The following MBP variants were observed in gnomAD, a reference collection of about 807,000 sequenced individuals.
MBP encodes myelin basic protein, also known as Golli-MBP.
A neutral mutation model predicts 35.8 loss-of-function variants in MBP; 16 were observed. The observed-to-expected ratio is 0.45, with a 90% confidence interval of 0.30 to 0.68. The LOEUF (loss-of-function observed/expected upper bound fraction) is 0.68, where lower values mean the gene tolerates loss of function less well. Ranked by LOEUF, MBP falls within the 30% of genes least tolerant of loss-of-function variation. MBP has a pLI of 0.08. For synonymous variants in MBP, 143 were observed against 159.6 expected (o/e 0.90, Z 0.78); for missense variants, 380 against 404.7 (o/e 0.94, Z 0.52).
At position 77,058,026 on chromosome 18, in the gene MBP, G is replaced by T. The variant is rs1208013790; in HGVS notation, c.139+8272C>A. On this transcript the variant is annotated intron_variant, in intron 3 of 8. Coordinates refer to ENST00000355994, the MANE Select transcript of MBP (RefSeq NM_001025101.2). ...TATTTTTTTTTTTAATAGAGACGGG[G>T]TTTCACCGTGTTAGCCAGGATGGTG... Among the ~76,000 whole-genome samples the T allele has an allele frequency of 1.8e-4, 4 of 22,740 alleles. 2 individuals carry two copies. The highest frequency in any genetic ancestry group is 2.9e-4 in the Non-Finnish European group (4 of 13,750). The allele number at this position is 22,740 out of a possible 152,430, so 14.9% of individuals were successfully genotyped here.
chr18:77,125,804 G>A (rs1194112035), intron 1 of MBP, among the ~76,000 whole-genome samples: 1 of 151,492 alleles, frequency 6.6e-6, no homozygotes, highest in Non-Finnish European at 1.5e-5. Flanking sequence ...CAGTAGTGCT[G>A]AGAGGGAATT....
At chr18:77,007,900 A>G (rs748729548) in intron 4 of MBP, among the ~76,000 whole-genome samples, 39 of 152,372 alleles carry the variant, frequency 2.6e-4, no homozygotes, top group Non-Finnish European at 4.9e-4. Flanking sequence ...TGTGGAGAAC[A>G]GAAGGGCTGC....
At chr18:77,014,603 A>T in intron 4 of MBP, 7 of 985,418 alleles carry the variant, frequency 7.1e-6, no homozygotes, top group Non-Finnish European at 8.4e-6. Flanking sequence ...AAATTCCTCC[A>T]TGGCAGCCCA....
At chr18:76,991,079 A>G (rs1439625136) in intron 4 of MBP, among the ~76,000 whole-genome samples, 2 of 152,228 alleles carry the variant, frequency 1.3e-5, no homozygotes, top group African/African-American at 2.4e-5. Flanking sequence ...AGAAAAACAC[A>G]CAACAGCATG....
At chr18:77,091,808 CCA>C (rs1337948786) in intron 2 of MBP, among the ~76,000 whole-genome samples, 9 of 151,876 alleles carry the variant, frequency 5.9e-5, no homozygotes, top group Non-Finnish European at 7.4e-5. Flanking sequence ...TGTATACACA[CCA>C]CAGACACACA....
At chr18:77,057,976 G>T (rs571879949) in intron 3 of MBP, among the ~76,000 whole-genome samples, 1 of 65,088 alleles carries the variant, frequency 1.5e-5, no homozygotes, top group Admixed American at 1.5e-4. Context: ...ACAGGCGCCC[G>T]CCACTACGCC....
chr18:76,990,329 G>A (rs1471230315), intron 4 of MBP, among the ~76,000 whole-genome samples: 1 of 152,102 alleles, frequency 6.6e-6, no homozygotes, highest in African/African-American at 2.4e-5. Context: ...TGAAGAGTTA[G>A]AGGGGTAGGA....
intron 3 of MBP, among the ~76,000 whole-genome samples, chr18:77,027,698 T>C (rs1194087296): frequency 6.6e-6 from 1 of 152,224 alleles, no homozygotes; most frequent in Non-Finnish European, 1.5e-5. Flanking sequence ...AAATTATTTA[T>C]TTATTTAGAG....
Position 76,979,729 on chromosome 18 carries a change from C to T in MBP, c.*698G>A, listed in dbSNP as rs1000617089. ...CTATGTGAGGCCATTGCCCAGCCCA[C>T]GTTTGCCTCCTTTTCCTCCCTCTGC... On this transcript the variant is annotated 3_prime_UTR_variant, in exon 9 of 9. Transcript: ENST00000355994. 21 of 568,480 alleles carry T rather than the reference C, an allele frequency of 3.7e-5. No individual in the cohort carries two copies. The highest frequency in any genetic ancestry group is 2.1e-4 in the East Asian group (7 of 33,842). The allele number at this position is 568,480 out of a possible 1,614,324, so 35.2% of individuals were successfully genotyped here.
At chr18:77,073,343 G>A (rs1419887092) in intron 2 of MBP, among the ~76,000 whole-genome samples, 2 of 152,212 alleles carry the variant, frequency 1.3e-5, no homozygotes, top group Non-Finnish European at 1.5e-5. Context: ...CTACCCGAAA[G>A]CTAAGTTTTG....
At chr18:77,025,034 G>T (rs570122289) in intron 3 of MBP, among the ~76,000 whole-genome samples, 1 of 152,122 alleles carries the variant, frequency 6.6e-6, no homozygotes, top group African/African-American at 2.4e-5. Flanking sequence ...GTGCATTCTC[G>T]TAACTCTCCG....
chr18:77,025,708 T>TTTTTTTTC, intron 3 of MBP, among the ~76,000 whole-genome samples: 1 of 144,604 alleles, frequency 6.9e-6, no homozygotes, highest in Non-Finnish European at 1.5e-5. Flanking sequence ...TGAAATACTT[T>TTTTTTTTC]TTTTTTTTTT....
In MBP at chr18:77,102,325, C is replaced by T. The variant is rs1976062655; in HGVS notation, c.51+2886G>A. On this transcript the variant is annotated intron_variant, in intron 2 of 8. Coordinates refer to ENST00000355994, the MANE Select transcript of MBP (RefSeq NM_001025101.2). The surrounding 1 kb of genome is among the most constrained non-coding windows in gnomAD (Gnocchi z 4.4). Reference sequence around the variant, plus strand: ...GACTCTCTCATAAGGGGGAAAAATGCCTCCCAGAATCACACACAGAAATGT... The same window carrying T: ...GACTCTCTCATAAGGGGGAAAAATGTCTCCCAGAATCACACACAGAAATGT... 6.6e-6 allele frequency among the ~76,000 whole-genome samples: 1 copy of T among 152,198 alleles called. No homozygotes were observed. Among genetic ancestry groups the T allele is most frequent in the Non-Finnish European group, 1.5e-5 (1 of 68,034 alleles).
intron 4 of MBP, chr18:76,990,884 A>C: frequency 3.3e-6 from 1 of 301,440 alleles, no homozygotes; most frequent in Non-Finnish European, 6.8e-6. Context: ...CTGGGGAGAG[A>C]TTTCTATCAC....
At chr18:77,110,002 T>G (rs1312940512) in intron 1 of MBP, 2 of 152,210 alleles carry the variant, frequency 1.3e-5, no homozygotes, top group Admixed American at 6.5e-5. Flanking sequence ...GATAACAGGA[T>G]TTATTTTACA....
intron 2 of MBP, among the ~76,000 whole-genome samples, chr18:77,081,767 T>TATAC (rs1974916597): frequency 1.0e-5 from 1 of 99,868 alleles, no homozygotes; most frequent in African/African-American, 3.6e-5. Context: ...TATATATATA[T>TATAC]ACACACACAC....
In MBP at chr18:76,988,735, T is replaced by C. The variant is rs1969716676; in HGVS notation, c.717+142A>G. ...AGGGGTGCATGGATCTGCCGACCTG[T>C]TCTACTTGGGAGCTGCCTGGCAACA... On this transcript the variant is annotated intron_variant, in intron 6 of 8. Transcript: ENST00000355994. This position sits in a 1 kb window ranked among gnomAD's most constrained non-coding sequence, Gnocchi z 5.2. The C allele has an allele frequency of 7.6e-7, 1 of 1,322,444 alleles. No individual in the cohort carries two copies. The highest frequency in any genetic ancestry group is 1.0e-6 in the Non-Finnish European group (1 of 952,624). The allele number at this position is 1,322,444 out of a possible 1,614,324, so 81.9% of individuals were successfully genotyped here.
At chr18:77,040,166 C>A (rs1341802539) in intron 3 of MBP, among the ~76,000 whole-genome samples, 1 of 152,086 alleles carries the variant, frequency 6.6e-6, no homozygotes, top group African/African-American at 2.4e-5. Flanking sequence ...TTACTTTTTT[C>A]TTCCCTTCCA....
chr18:77,021,309 C>T (rs1454319413), intron 3 of MBP, among the ~76,000 whole-genome samples: 1 of 152,196 alleles, frequency 6.6e-6, no homozygotes, highest in African/African-American at 2.4e-5. Context: ...ACAGGCAGAG[C>T]ACCACCAGAA....
Sources: allele counts gnomAD v4.1 joint callset (sites outside exome capture counted in the v4.1 genomes callset), GRCh38; gene constraint gnomAD v4.1.1; non-coding constraint Gnocchi (gnomAD v3.1); transcripts MANE v1.5; gene names NCBI Gene and HGNC (gene_info 2026-07-23, HGNC 2026-07-21).